OSBPL10: variants seen among roughly 807,000 people sequenced by gnomAD.
The protein encoded by OSBPL10 is oxysterol-binding protein-related protein 10.
Under a neutral mutation model 81.7 loss-of-function variants are expected in OSBPL10, and 49 were observed. That is an observed-to-expected ratio of 0.60 (90% CI 0.48 to 0.76). The LOEUF is 0.76. OSBPL10 is among the 30% of genes least tolerant of loss of function. The pLI is 0.00. For missense variants in OSBPL10, 923 were observed against 987.8 expected (o/e 0.93, Z 0.88); for synonymous variants, 419 against 383.6 (o/e 1.09, Z -1.08).
intron 1 of OSBPL10, among the ~76,000 whole-genome samples, chr3:32,058,147 G>A (rs1302447101): frequency 1.3e-5 from 2 of 152,164 alleles, no homozygotes; most frequent in African/African-American, 2.4e-5. Flanking sequence ...TTGAACTTTA[G>A]TTAATGATAT....
chr3:31,840,595 G>T (rs1258945258), intron 3 of OSBPL10, among the ~76,000 whole-genome samples: 1 of 152,210 alleles, frequency 6.6e-6, no homozygotes, highest in East Asian at 1.9e-4. Flanking sequence ...CAGGAAGTCT[G>T]GCTAGATAGC....
intron 7 of OSBPL10, among the ~76,000 whole-genome samples, chr3:31,689,869 C>G (rs1695475484): frequency 6.6e-6 from 1 of 151,972 alleles, no homozygotes; most frequent in South Asian, 2.1e-4. Flanking sequence ...TTATTAGCAG[C>G]ATGAAAATGG....
intron 8 of OSBPL10, among the ~76,000 whole-genome samples, chr3:31,682,328 G>GT (rs1385873539): frequency 6.6e-6 from 1 of 152,138 alleles, no homozygotes; most frequent in Non-Finnish European, 1.5e-5. Context: ...CTCCCTCACT[G>GT]TAAGAGCCAG....
intron 1 of OSBPL10, among the ~76,000 whole-genome samples, chr3:32,070,203 T>C (rs1699817472): frequency 6.6e-6 from 1 of 152,190 alleles, no homozygotes; most frequent in South Asian, 2.1e-4. Context: ...CCACATTACC[T>C]TCTTTTCAAG....
intron 1 of OSBPL10, among the ~76,000 whole-genome samples, chr3:32,050,517 A>G (rs1253052245): frequency 1.3e-5 from 2 of 152,182 alleles, no homozygotes; most frequent in Non-Finnish European, 2.9e-5. Context: ...CATCTTTGAA[A>G]ATACCTCATA....
At chr3:32,041,639 CTTTCTTTCTT>C (rs143082698) in intron 2 of OSBPL10, among the ~76,000 whole-genome samples, 87,180 of 149,764 alleles carry the variant, frequency 0.58, 27,801 homozygotes, top group Non-Finnish European at 0.7. Context: ...CTTTCTTTCT[CTTTCTTTCTT>C]TTTCTTTCTT....
At chr3:31,762,630 A>ATTTTTTTTGTTTTTTT (rs1698081136) in intron 4 of OSBPL10, among the ~76,000 whole-genome samples, 1 of 61,514 alleles carries the variant, frequency 1.6e-5, no homozygotes, top group Non-Finnish European at 2.7e-5. Flanking sequence ...CATGCCCAGC[A>ATTTTTTTTGTTTTTTT]TTTTTTTTTT....
In OSBPL10 at chr3:31,683,752, G is replaced by A. The variant is rs1700716722; in HGVS notation, c.1608C>T (p.His536=). 6.2e-7 allele frequency: 1 copy of A among 1,614,226 alleles called. No individual in the cohort carries two copies. The highest frequency in any genetic ancestry group is 1.3e-5 in the African/African-American group (1 of 75,050). Residue 536 remains histidine (H), a synonymous_variant, in exon 8 of 12, where the codon CAC becomes CAT. Coordinates refer to ENST00000396556, the MANE Select transcript of OSBPL10 (RefSeq NM_017784.5). ...LRFVAEQVSH[H]PPISCFYCEC... is the part of the protein sequence containing the mutation. ...CACAGTAGAAGCAGGAGATGGGTGG[G>A]TGATGGGACACTTGCTCAGCCACAA...
intron 3 of OSBPL10, among the ~76,000 whole-genome samples, chr3:31,833,699 G>GCACACACACACA (rs1270463379): frequency 3.4e-5 from 4 of 118,914 alleles, no homozygotes; most frequent in East Asian, 2.8e-4. Context: ...ACACGCACAC[G>GCACACACACACA]CACACGCACA....
rs768348601 is a variant in OSBPL10, at chr3:31,876,528, C to G, written c.458-16G>C. ...GCATCAGCAGCTAAAATAGAGAAAA[C>G]AGAGAAAGAAATGATTGCAGAGATT... On this transcript the variant is annotated splice_polypyrimidine_tract_variant and intron_variant, in intron 2 of 11. Transcript: ENST00000396556. 3 of 1,597,944 alleles carry G rather than the reference C, an allele frequency of 1.9e-6. No homozygotes were observed. The highest frequency in any genetic ancestry group is 1.1e-5 in the South Asian group (1 of 90,722).
In OSBPL10 at chr3:32,018,298, T is replaced by C. The variant is rs11925139; in HGVS notation, n.298+28193A>G. 1.9e-3 allele frequency among the ~76,000 whole-genome samples: 284 copies of C among 152,238 alleles called. 1 individual carries two copies. In the Middle Eastern group the frequency reaches 0.037, roughly 20 times the overall value. On this transcript the variant is annotated intron_variant and non_coding_transcript_variant, in intron 2 of 3. Transcript: ENST00000479173. Reference sequence around the variant, plus strand: ...TTCAGAAACCAGCTTTTTAGAAGGATTGGTGCAATGATAGACGAGATGTGG... The same window carrying C: ...TTCAGAAACCAGCTTTTTAGAAGGACTGGTGCAATGATAGACGAGATGTGG...
intron 2 of OSBPL10, among the ~76,000 whole-genome samples, chr3:32,039,923 T>G (rs963522752): frequency 6.6e-6 from 1 of 152,146 alleles, no homozygotes; most frequent in Non-Finnish European, 1.5e-5. Context: ...GTGAAAATCC[T>G]AAATAAAACC....
At chr3:31,736,280 G>A (rs1288063577) in intron 5 of OSBPL10, among the ~76,000 whole-genome samples, 2 of 152,124 alleles carry the variant, frequency 1.3e-5, no homozygotes, top group African/African-American at 4.8e-5. Context: ...TCAGGATGAT[G>A]CATTTTATGT....
chr3:31,695,633 G>A (rs1220979976), intron 7 of OSBPL10, among the ~76,000 whole-genome samples: 2 of 152,120 alleles, frequency 1.3e-5, no homozygotes, highest in Non-Finnish European at 2.9e-5. Flanking sequence ...TCTCAATCTG[G>A]CAGCTCAACT....
chr3:31,662,768 T>G lies in OSBPL10; in HGVS notation c.2251-652A>C, dbSNP rs972154215. 17 of 984,262 alleles carry G rather than the reference T, an allele frequency of 1.7e-5. No individual in the cohort carries two copies. The African/African-American group carries it at 2.7e-4, about 15-fold the overall frequency. The allele number at this position is 984,262 out of a possible 1,614,324, so 61.0% of individuals were successfully genotyped here. On this transcript the variant is annotated intron_variant, in intron 11 of 11. Coordinates refer to ENST00000396556, the MANE Select transcript of OSBPL10 (RefSeq NM_017784.5). ...AGGAAGAACTGTAAATGTTTTTTCTTGTTGTTGTTGCTGTTTAATGCACAG... is the reference window on the plus strand; with the variant it reads ...AGGAAGAACTGTAAATGTTTTTTCTGGTTGTTGTTGCTGTTTAATGCACAG...
At chr3:32,056,594 C>T (rs1252976139) in intron 1 of OSBPL10, among the ~76,000 whole-genome samples, 1 of 152,226 alleles carries the variant, frequency 6.6e-6, no homozygotes, top group East Asian at 1.9e-4. Flanking sequence ...CATACCTACA[C>T]TTTCTGACTG....
intron 3 of OSBPL10, among the ~76,000 whole-genome samples, chr3:31,860,938 T>C (rs1329596287): frequency 1.3e-5 from 2 of 151,600 alleles, no homozygotes; most frequent in Non-Finnish European, 2.9e-5. Flanking sequence ...CTTAAAATCC[T>C]GACCTCAAGT....
intron 4 of OSBPL10, among the ~76,000 whole-genome samples, chr3:31,789,324 A>ACT (rs373759381): frequency 4.1e-4 from 62 of 152,106 alleles, no homozygotes; most frequent in African/African-American, 1.4e-3. Flanking sequence ...AATGAAAGGC[A>ACT]CTCTAGGGTG....
At chr3:31,698,735 A>C (rs554363668) in intron 7 of OSBPL10, among the ~76,000 whole-genome samples, 7 of 152,192 alleles carry the variant, frequency 4.6e-5, no homozygotes, top group Non-Finnish European at 8.8e-5. Context: ...GTAGATGCTC[A>C]CATGGCTGGC....
Sources: allele counts gnomAD v4.1 joint callset (sites outside exome capture counted in the v4.1 genomes callset), GRCh38; gene constraint gnomAD v4.1.1; transcripts MANE v1.5; gene names NCBI Gene and HGNC (gene_info 2026-07-23, HGNC 2026-07-21).